Variants in MRTFB observed in about 807,000 individuals in gnomAD.
The protein encoded by MRTFB is myocardin related transcription factor B.
Under a neutral mutation model 104.2 loss-of-function variants are expected in MRTFB, and 29 were observed. That is an observed-to-expected ratio of 0.28 (90% CI 0.21 to 0.38). The LOEUF (loss-of-function observed/expected upper bound fraction) is 0.38, where lower values mean the gene tolerates loss of function less well. Among genes scored for constraint, MRTFB ranks in the 10% least tolerant of loss-of-function variants. The pLI is 1.00. For synonymous variants in MRTFB, 535 were observed against 519.5 expected, an observed-to-expected ratio of 1.03 and a Z score of -0.41; for missense variants, 1,270 against 1,341.6, an observed-to-expected ratio of 0.95 and a Z score of 0.83.
chr16:14,047,179 T>C, the MRTFB span, among the ~76,000 whole-genome samples: 2 of 152,200 alleles, frequency 1.3e-5, no homozygotes, highest in African/African-American at 4.8e-5. Flanking sequence ...TGGCTGCAAG[T>C]ATCAGGCAAC....
chr16:14,232,725 A>G (rs945772762), intron 8 of MRTFB, among the ~76,000 whole-genome samples: 2 of 152,200 alleles, frequency 1.3e-5, no homozygotes, highest in African/African-American at 4.8e-5. Flanking sequence ...CAGTGTGAGT[A>G]AAGCCAGAAG....
intron 8 of MRTFB, among the ~76,000 whole-genome samples, chr16:14,226,056 A>G (rs997519894): frequency 7.9e-5 from 12 of 152,178 alleles, no homozygotes; most frequent in Non-Finnish European, 1.2e-4. Context: ...ATGCAAAAGG[A>G]GAGGAGAATG....
At chr16:14,159,736 C>G (rs573103512) in intron 3 of MRTFB, among the ~76,000 whole-genome samples, 1 of 151,290 alleles carries the variant, frequency 6.6e-6, no homozygotes, top group African/African-American at 2.4e-5. Context: ...GAGACCATCC[C>G]GGCTAAAACG....
chr16:14,238,438 A>G (rs1345181734), intron 9 of MRTFB, among the ~76,000 whole-genome samples: 1 of 152,112 alleles, frequency 6.6e-6, no homozygotes, highest in Non-Finnish European at 1.5e-5. Flanking sequence ...AGTGGCATCA[A>G]ATAATTGTTG....
intron 14 of MRTFB, 47 bp from the exon 15 acceptor site, chr16:14,252,318 G>C (rs763137736): frequency 3.1e-6 from 5 of 1,590,488 alleles, no homozygotes; most frequent in Non-Finnish European, 4.3e-6. Flanking sequence ...GGAAAAGAGA[G>C]GTTTATTGCC....
chr16:14,217,296 C>T lies in MRTFB; in HGVS notation c.514+9C>T. The T allele has an allele frequency of 1.3e-6, 2 of 1,574,554 alleles. No homozygotes were observed. Among genetic ancestry groups the T allele is most frequent in the Non-Finnish European group, 1.7e-6 (2 of 1,165,686 alleles). On this transcript the variant is annotated intron_variant, in intron 7 of 16. Transcript: ENST00000571589. Reference sequence around the variant, plus strand: ...TAAAGAAGCAATTATAGGCAAGACTCTAAAAATTTACTATTTGGGGTGAGA... The same window carrying T: ...TAAAGAAGCAATTATAGGCAAGACTTTAAAAATTTACTATTTGGGGTGAGA...
the MRTFB span, among the ~76,000 whole-genome samples, chr16:14,010,394 G>A: frequency 6.6e-6 from 1 of 152,134 alleles, no homozygotes; most frequent in East Asian, 1.9e-4. Context: ...ATGGCTCACT[G>A]CAGCCTCAAC....
upstream of MRTFB, among the ~76,000 whole-genome samples, chr16:14,070,678 G>T (rs533526696): frequency 2.6e-5 from 4 of 152,372 alleles, no homozygotes; most frequent in Admixed American, 6.5e-5. Context: ...CTCTCACCTT[G>T]GTGAATGTTG....
intron 8 of MRTFB, among the ~76,000 whole-genome samples, chr16:14,228,575 C>CAA (rs373167499): frequency 0.11 from 15,485 of 135,002 alleles, 1,735 homozygotes; most frequent in African/African-American, 0.3. Context: ...GACTCCGTCC[C>CAA]AAAAAAAAAA....
intron 2 of MRTFB, chr16:14,092,747 A>G (rs576125710): frequency 2.0e-5 from 3 of 152,320 alleles, no homozygotes; most frequent in African/African-American, 7.2e-5. Flanking sequence ...CTCACAAGAG[A>G]TGTTTATAAA....
chr16:14,112,487 G>A (rs887126112), intron 2 of MRTFB, among the ~76,000 whole-genome samples: 1 of 152,226 alleles, frequency 6.6e-6, no homozygotes, highest in Admixed American at 6.5e-5. Flanking sequence ...TAGTAAAGCA[G>A]GAGGATTGTG....
intron 2 of MRTFB, among the ~76,000 whole-genome samples, chr16:14,113,689 G>T (rs996672766): frequency 2.6e-5 from 4 of 152,122 alleles, no homozygotes; most frequent in African/African-American, 9.7e-5. Context: ...AAAACTACCA[G>T]TCAGGCCCAT....
chr16:14,221,851 A>G (rs761839035), intron 8 of MRTFB, among the ~76,000 whole-genome samples: 11 of 139,338 alleles, frequency 7.9e-5, no homozygotes, highest in Admixed American at 1.6e-4. Context: ...GTGTGATCTC[A>G]GCTTACTACA....
At chr16:14,118,726 T>C (rs2036677312) in intron 2 of MRTFB, among the ~76,000 whole-genome samples, 1 of 150,778 alleles carries the variant, frequency 6.6e-6, no homozygotes, top group Admixed American at 6.6e-5. Flanking sequence ...AGTATTTACA[T>C]ATATATATAC....
intron 16 of MRTFB, among the ~76,000 whole-genome samples, chr16:14,259,973 G>T (rs1486652327): frequency 6.6e-6 from 1 of 152,172 alleles, no homozygotes; most frequent in African/African-American, 2.4e-5. Context: ...AAGAGGTATT[G>T]TTAATTTATT....
Position 14,079,618 on chromosome 16 carries a change from T to G in MRTFB, c.-64+264T>G, listed in dbSNP as rs1254988323. Reference sequence around the variant, plus strand: ...AAAGCATGGTACTGAGAAGGAAATCTAGCAAGTAGAAACCCATAGCTGTTT... The same window carrying G: ...AAAGCATGGTACTGAGAAGGAAATCGAGCAAGTAGAAACCCATAGCTGTTT... On this transcript the variant is annotated intron_variant, in intron 2 of 16. Coordinates refer to ENST00000571589, the MANE Select transcript of MRTFB (RefSeq NM_001308142.2). Among the ~76,000 whole-genome samples, 4 of 152,322 alleles carry G rather than the reference T, an allele frequency of 2.6e-5. No individual in the cohort carries two copies. In the South Asian group the frequency reaches 8.3e-4, roughly 32 times the overall value.
chr16:14,186,507 C>T (rs953046065), intron 3 of MRTFB, among the ~76,000 whole-genome samples: 10 of 152,206 alleles, frequency 6.6e-5, no homozygotes, highest in Non-Finnish European at 1.0e-4. Flanking sequence ...TCTCTTTTAA[C>T]AACTAGAAGA....
chr16:14,002,700 G>A, the MRTFB span, among the ~76,000 whole-genome samples: 1 of 152,184 alleles, frequency 6.6e-6, no homozygotes, highest in South Asian at 2.1e-4. Context: ...CTGCAGGAGA[G>A]ATGGAAAAGA....
intron 2 of MRTFB, among the ~76,000 whole-genome samples, chr16:14,105,756 A>T (rs1441940357): frequency 2.0e-5 from 3 of 151,630 alleles, no homozygotes; most frequent in Non-Finnish European, 2.9e-5. Context: ...GTCAATGAAA[A>T]CTCTAGTACT....
Sources: gnomAD v4.1 joint callset for allele counts (sites outside exome capture counted in the v4.1 genomes callset) on GRCh38, gnomAD v4.1.1 for gene constraint, MANE v1.5 for transcripts, NCBI Gene and HGNC (gene_info 2026-07-23, HGNC 2026-07-21) for gene names.